FAXDC2: variants seen among roughly 807,000 people sequenced by gnomAD.
The protein encoded by FAXDC2 is fatty acid hydroxylase domain containing 2, also known as fatty acid hydroxylase domain-containing protein 2.
A neutral mutation model predicts 40.9 loss-of-function variants in FAXDC2; 41 were observed. The observed-to-expected ratio is 1.00, with a 90% CI of 0.78 to 1.30. The LOEUF is 1.30. Ranked by LOEUF, FAXDC2 falls within the 50% of genes most tolerant of loss-of-function variation. The pLI is 0.00. For missense variants in FAXDC2, 390 were observed against 408.8 expected, an observed-to-expected ratio of 0.95 and a Z score of 0.40; for synonymous variants, 157 against 149.3, an observed-to-expected ratio of 1.05 and a Z score of -0.38.
chr5:154,827,285 G>A (rs1054307562), intron 5 of FAXDC2, among the ~76,000 whole-genome samples: 50 of 150,368 alleles, frequency 3.3e-4, no homozygotes, highest in Admixed American at 5.9e-4. Context: ...TCCAGCCTGG[G>A]TGACAGAGGG....
intron 4 of FAXDC2, 39 bp downstream of exon 4, chr5:154,834,586 G>GC: frequency 7.7e-7 from 1 of 1,294,550 alleles, no homozygotes; most frequent in South Asian, 1.2e-5. Flanking sequence ...TTATAATCAT[G>GC]CACCCACATG....
intron 1 of FAXDC2, among the ~76,000 whole-genome samples, chr5:154,847,817 C>G (rs1582544307): frequency 6.7e-6 from 1 of 149,650 alleles, no homozygotes; most frequent in East Asian, 2.0e-4. Flanking sequence ...TTCTTGTTTC[C>G]TGGATATTCT....
chr5:154,822,705 G>C, intron 6 of FAXDC2, 128 bp from the exon 7 acceptor site: 1 of 696,432 alleles, frequency 1.4e-6, no homozygotes, highest in South Asian at 1.7e-5. Flanking sequence ...ACCAAGACCT[G>C]CCTTCAAATT....
Position 154,823,450 on chromosome 5 carries a change from C to T in FAXDC2, c.509G>A (p.Trp170Ter). 6.2e-7 allele frequency: 1 copy of T among 1,614,176 alleles called. No individual in the cohort carries two copies. The highest frequency in any genetic ancestry group is 2.2e-5 in the East Asian group (1 of 44,886). ...GAAGATGGCCAGCTCCAGGAGGAAC[C>T]AGTGGAAGGTGGGTAGCTCACGGCG... is the stretch of plus-strand genomic sequence containing the variant. ...PCRRELPTFH[W>*]FLLELAIFTL... The change falls in exon 6 of 9, where the codon TGG (tryptophan) becomes TAG (stop). Residue 170 changes from tryptophan to a stop codon, truncating the protein, a stop_gained. Transcript: ENST00000326080. LOFTEE classifies it high-confidence loss of function.
chr5:154,841,497 T>G (rs578105662), intron 1 of FAXDC2, among the ~76,000 whole-genome samples: 3 of 152,266 alleles, frequency 2.0e-5, no homozygotes, highest in Non-Finnish European at 4.4e-5. Context: ...AGTCTCAGCC[T>G]AAACCAATTG....
chr5:154,829,799 G>A lies in FAXDC2; in HGVS notation c.366+1002C>T, dbSNP rs78559572. 5.3e-3 allele frequency among the ~76,000 whole-genome samples: 804 copies of A among 152,318 alleles called. 6 individuals are homozygous for A. Among genetic ancestry groups the A allele is most frequent in the African/African-American group, 0.018 (756 of 41,566 alleles). On this transcript the variant is annotated intron_variant, in intron 5 of 8. Coordinates refer to ENST00000326080, the MANE Select transcript of FAXDC2 (RefSeq NM_032385.5). ...TTTAGTCAGTGGTGCTACAACAGCC[G>A]TGGTTGACAGATGAAGTGTTCTCAA...
Position 154,820,163 on chromosome 5 carries a change from G to T in FAXDC2, c.*153C>A. On this transcript the variant is annotated 3_prime_UTR_variant, in exon 9 of 9. Coordinates refer to ENST00000326080, the MANE Select transcript of FAXDC2 (RefSeq NM_032385.5). ...TAGTTTGAAGAAAGCCTCATCCTTGGCCCTGCTTTTCCGGGAAGCCGACCT... is the reference window on the plus strand; with the variant it reads ...TAGTTTGAAGAAAGCCTCATCCTTGTCCCTGCTTTTCCGGGAAGCCGACCT... The T allele has an allele frequency of 3.2e-6, 2 of 625,726 alleles. No homozygotes were observed. Among genetic ancestry groups the T allele is most frequent in the South Asian group, 4.0e-5 (2 of 50,530 alleles). The allele number at this position is 625,726 out of a possible 1,614,324, so 38.8% of individuals were successfully genotyped here.
At chr5:154,836,374 CGAT>C (rs1243126667) in intron 2 of FAXDC2, 1 of 152,216 alleles carries the variant, frequency 6.6e-6, no homozygotes, top group Non-Finnish European at 1.5e-5. Context: ...ATTGTGAGCT[CGAT>C]GACCAAACAA....
At chr5:154,847,482 T>C (rs1466520830) in intron 1 of FAXDC2, among the ~76,000 whole-genome samples, 2 of 149,762 alleles carry the variant, frequency 1.3e-5, no homozygotes, top group African/African-American at 4.9e-5. Context: ...TTTCTTTCTT[T>C]CTTTCTTTTT....
chr5:154,826,238 T>A (rs745612006), intron 5 of FAXDC2, among the ~76,000 whole-genome samples: 1 of 151,592 alleles, frequency 6.6e-6, no homozygotes, highest in South Asian at 2.1e-4. Flanking sequence ...CAATCAGATG[T>A]GATGGGGAGC....
intron 1 of FAXDC2, among the ~76,000 whole-genome samples, chr5:154,839,287 T>C (rs1018751408): frequency 7.4e-5 from 11 of 148,934 alleles, no homozygotes; most frequent in Non-Finnish European, 1.5e-4. Flanking sequence ...GATCGCACCA[T>C]TGCACTCCAG....
At chr5:154,823,277 T>C (rs1759933072) in intron 6 of FAXDC2, 110 bp downstream of exon 6, 2 of 977,868 alleles carry the variant, frequency 2.0e-6, no homozygotes. Flanking sequence ...GCCTCCCAAA[T>C]TGCCAGGATT....
intron 5 of FAXDC2, chr5:154,823,925 C>T (rs1582520179): frequency 3.2e-6 from 1 of 311,012 alleles, no homozygotes; most frequent in Non-Finnish European, 6.1e-6. Flanking sequence ...ACTTGGGTAG[C>T]CTCCATGGTG....
Position 154,838,158 on chromosome 5 carries a change from A to G in FAXDC2, c.21T>C (p.His7=). ...GCTTTGACTTTTCATTGTGTAGCAT[A>G]TGTCCAGCTTCTCCTTTCATCTGGA... The part of the protein sequence containing the change: MKGEAG[H]MLHNEKSKQE... Residue 7 remains histidine, a synonymous_variant, in exon 2 of 9, where the codon CAT becomes CAC. Transcript: ENST00000326080. 1.2e-6 allele frequency: 2 copies of G among 1,613,756 alleles called. No homozygotes were observed. The highest frequency in any genetic ancestry group is 1.6e-4 in the Middle Eastern group (1 of 6,062).
chr5:154,835,127 T>A (rs1295422442), intron 2 of FAXDC2, 193 bp from the exon 3 acceptor site: 8 of 546,834 alleles, frequency 1.5e-5, no homozygotes, highest in Non-Finnish European at 6.5e-6. Context: ...AGGCTGTACA[T>A]GGGTGTGTTT....
intron 2 of FAXDC2, among the ~76,000 whole-genome samples, chr5:154,835,540 T>C (rs1186953761): frequency 6.6e-6 from 1 of 152,182 alleles, no homozygotes; most frequent in African/African-American, 2.4e-5. Flanking sequence ...CTCCTCTTAT[T>C]TTAGAAGGAA....
At chr5:154,826,432 G>A (rs189217490) in intron 5 of FAXDC2, among the ~76,000 whole-genome samples, 1 of 151,800 alleles carries the variant, frequency 6.6e-6, no homozygotes, top group African/African-American at 2.4e-5. Flanking sequence ...GGGAGGCTGA[G>A]GCAGGAGAAT....
At chr5:154,849,040 G>A (rs575761610) in intron 1 of FAXDC2, among the ~76,000 whole-genome samples, 1 of 151,646 alleles carries the variant, frequency 6.6e-6, no homozygotes, top group East Asian at 1.9e-4. Context: ...ATAACTTTGG[G>A]AGGCCGAGGT....
At chr5:154,822,719 A>G (rs867629371) in intron 6 of FAXDC2, 142 bp from the exon 7 acceptor site, 12 of 663,634 alleles carry the variant, frequency 1.8e-5, no homozygotes, top group East Asian at 8.2e-5. Context: ...TCAAATTTCA[A>G]CCCCAGCCCT....
Sources: gnomAD v4.1 joint callset for allele counts (sites outside exome capture counted in the v4.1 genomes callset) on GRCh38, gnomAD v4.1.1 for gene constraint, MANE v1.5 for transcripts, NCBI Gene and HGNC (gene_info 2026-07-23, HGNC 2026-07-21) for gene names.